The following PPP4R2 variants were observed in gnomAD, a reference collection of about 807,000 sequenced individuals.
PPP4R2 encodes the protein protein phosphatase 4 regulatory subunit 2.
Under a neutral mutation model 47.2 loss-of-function variants are expected in PPP4R2, and 13 were observed. The observed-to-expected ratio is 0.28, with a 90% CI of 0.18 to 0.44. The LOEUF is 0.44. PPP4R2 is among the 20% of genes least tolerant of loss of function. The pLI is 1.00. For missense variants in PPP4R2, 421 were observed against 491.2 expected, an observed-to-expected ratio of 0.86 and a Z score of 1.35; for synonymous variants, 151 against 163.3, an observed-to-expected ratio of 0.92 and a Z score of 0.57.
intron 2 of PPP4R2, among the ~76,000 whole-genome samples, chr3:73,038,531 G>A (rs943006078): frequency 5.9e-5 from 9 of 152,070 alleles, no homozygotes; most frequent in Non-Finnish European, 1.0e-4. Context: ...GAGTAGCTGG[G>A]ACTACAGGTG....
At chr3:73,009,448 ATC>A (rs1416313045) in intron 2 of PPP4R2, among the ~76,000 whole-genome samples, 3 of 152,210 alleles carry the variant, frequency 2.0e-5, no homozygotes, top group African/African-American at 4.8e-5. Flanking sequence ...TTCTTAAAAT[ATC>A]TGTTAGTTTT....
At chr3:73,056,219 A>G (rs928180857) in intron 3 of PPP4R2, among the ~76,000 whole-genome samples, 13 of 152,208 alleles carry the variant, frequency 8.5e-5, no homozygotes, top group African/African-American at 2.7e-4. Flanking sequence ...TTAGAGGCCT[A>G]CCTCACACTA....
intron 2 of PPP4R2, among the ~76,000 whole-genome samples, chr3:73,031,627 G>A (rs1368136065): frequency 6.6e-6 from 1 of 152,132 alleles, no homozygotes; most frequent in Non-Finnish European, 1.5e-5. Flanking sequence ...GCAACGTTGG[G>A]TGGAGACTTT....
chr3:73,019,619 T>C (rs1425030387), intron 2 of PPP4R2, among the ~76,000 whole-genome samples: 1 of 152,168 alleles, frequency 6.6e-6, no homozygotes, highest in Non-Finnish European at 1.5e-5. Context: ...GATGATCTGC[T>C]CCCTTTGGCT....
At chr3:73,035,729 ATTCTCCTGCTT>A (rs1702249782) in intron 2 of PPP4R2, among the ~76,000 whole-genome samples, 3 of 152,018 alleles carry the variant, frequency 2.0e-5, no homozygotes, top group African/African-American at 7.2e-5. Context: ...AGTTCAAGTG[ATTCTCCTGCTT>A]CGGCCTCCCC....
intron 3 of PPP4R2, among the ~76,000 whole-genome samples, chr3:73,051,191 A>G (rs1702605210): frequency 2.0e-5 from 3 of 152,252 alleles, no homozygotes; most frequent in African/African-American, 7.2e-5. Context: ...CTGGGATTAC[A>G]GGCATGAGCC....
At chr3:73,043,006 C>G (rs1173670529) in intron 2 of PPP4R2, among the ~76,000 whole-genome samples, 1 of 151,986 alleles carries the variant, frequency 6.6e-6, no homozygotes, top group Non-Finnish European at 1.5e-5. Context: ...TTTTTTTGGA[C>G]CGCAAACATG....
intron 3 of PPP4R2, among the ~76,000 whole-genome samples, chr3:73,057,805 A>T (rs1332830731): frequency 6.7e-6 from 1 of 150,316 alleles, no homozygotes; most frequent in Admixed American, 6.6e-5. Context: ...TTGAAGTTAG[A>T]GAGACTGAGT....
intron 2 of PPP4R2, among the ~76,000 whole-genome samples, chr3:73,023,954 T>C (rs1702009763): frequency 6.6e-6 from 1 of 152,172 alleles, no homozygotes; most frequent in African/African-American, 2.4e-5. Context: ...TGTTTCTGAA[T>C]TACAAAGTTT....
chr3:73,033,768 C>T (rs1296293501), intron 2 of PPP4R2, among the ~76,000 whole-genome samples: 1 of 152,166 alleles, frequency 6.6e-6, no homozygotes, highest in Non-Finnish European at 1.5e-5. Context: ...ACTTAAGTGA[C>T]ATTATAAAAT....
rs1464277414 is a variant in PPP4R2 at position 73,069,124 on chromosome 3, T to A, written c.*3402T>A. ...TCAGTACACTCTTCAGGATTTTCTT[T>A]TATTTCAACTTGGAGCCTAGATTAC... On this transcript the variant is annotated 3_prime_UTR_variant, in exon 9 of 9. Coordinates refer to ENST00000356692, the MANE Select transcript of PPP4R2 (RefSeq NM_174907.4). 6.6e-6 allele frequency: 1 copy of A among 152,244 alleles called. No homozygotes were observed. The highest frequency in any genetic ancestry group is 6.5e-5 in the Admixed American group (1 of 15,284). The allele number at this position is 152,244 out of a possible 1,614,324, so 9.4% of individuals were successfully genotyped here. A position where few individuals can be genotyped will look rare whatever the true frequency, so the allele number is the denominator to read the frequency against.
intron 3 of PPP4R2, among the ~76,000 whole-genome samples, chr3:73,052,518 A>G (rs1333559864): frequency 1.3e-5 from 2 of 152,192 alleles, no homozygotes; most frequent in Non-Finnish European, 2.9e-5. Context: ...AGAGACCATG[A>G]ATATAATTTA....
intron 2 of PPP4R2, among the ~76,000 whole-genome samples, chr3:73,005,577 G>A (rs547660239): frequency 4.0e-5 from 6 of 151,830 alleles, no homozygotes; most frequent in East Asian, 3.9e-4. Flanking sequence ...GGCCGGGTGC[G>A]GTGGCTCACG....
chr3:73,065,966 G>A lies in PPP4R2; in HGVS notation c.*244G>A, dbSNP rs1289941676. On this transcript the variant is annotated 3_prime_UTR_variant, in exon 9 of 9. Coordinates refer to ENST00000356692, the MANE Select transcript of PPP4R2 (RefSeq NM_174907.4). ...CTTTTTTTGGTCTGGGCAAATCAGT[G>A]GTTTGTGTATAGATTTTTTTTTTTT... is the stretch of plus-strand genomic sequence containing the variant. 3.5e-6 allele frequency: 1 copy of A among 282,074 alleles called. No individual in the cohort carries two copies. Among genetic ancestry groups the A allele is most frequent in the Admixed American group, 5.2e-5 (1 of 19,168 alleles). The allele number at this position is 282,074 out of a possible 1,614,324, so 17.5% of individuals were successfully genotyped here.
intron 5 of PPP4R2, chr3:73,062,445 G>C (rs1437910070): frequency 6.2e-7 from 1 of 1,611,992 alleles, no homozygotes; most frequent in African/African-American, 1.3e-5. Context: ...TTTCCACCCT[G>C]TGACCCCAAG....
chr3:73,017,411 C>T (rs548044313), intron 2 of PPP4R2, among the ~76,000 whole-genome samples: 13 of 152,292 alleles, frequency 8.5e-5, no homozygotes, highest in South Asian at 2.1e-4. Flanking sequence ...ACTGCTGATA[C>T]ACCAACCAGT....
intron 2 of PPP4R2, among the ~76,000 whole-genome samples, chr3:73,005,292 A>G (rs559531498): frequency 9.9e-5 from 15 of 150,778 alleles, no homozygotes; most frequent in East Asian, 3.9e-4. Flanking sequence ...TTGAAAATCA[A>G]TGTTGGATAT....
At chr3:73,041,285 CTT>C (rs1256543796) in intron 2 of PPP4R2, among the ~76,000 whole-genome samples, 5 of 152,282 alleles carry the variant, frequency 3.3e-5, no homozygotes, top group South Asian at 2.1e-4. Flanking sequence ...AAAAGAATCT[CTT>C]GTTTCGTGCC....
At chr3:73,036,574 C>G (rs916178415) in intron 2 of PPP4R2, among the ~76,000 whole-genome samples, 2 of 152,044 alleles carry the variant, frequency 1.3e-5, no homozygotes, top group Non-Finnish European at 2.9e-5. Flanking sequence ...ATGGAGATTC[C>G]CAGGAAGCGT....
Sources: gnomAD v4.1 joint callset for allele counts (sites outside exome capture counted in the v4.1 genomes callset) on GRCh38, gnomAD v4.1.1 for gene constraint, MANE v1.5 for transcripts, NCBI Gene and HGNC (gene_info 2026-07-23, HGNC 2026-07-21) for gene names.